The following ATRNL1 variants were observed in gnomAD, a reference collection of about 807,000 sequenced individuals.
ATRNL1 encodes the protein attractin like 1.
A neutral mutation model predicts 182.7 loss-of-function variants in ATRNL1; 95 were observed. The observed-to-expected ratio is 0.52, with a 90% CI of 0.44 to 0.62. The LOEUF is 0.62. Among genes scored for constraint, ATRNL1 ranks in the 20% least tolerant of loss-of-function variants. The pLI is 0.00. For missense variants in ATRNL1, 1,471 were observed against 1,679.5 expected (o/e 0.88, Z 2.17); for synonymous variants, 576 against 568.3 (o/e 1.01, Z -0.19).
At chr10:115,481,036 A>C (rs536590043) in intron 24 of ATRNL1, among the ~76,000 whole-genome samples, 1 of 150,890 alleles carries the variant, frequency 6.6e-6, no homozygotes, top group African/African-American at 2.4e-5. Context: ...AAAGTCATTA[A>C]TTATATTTTG....
intron 18 of ATRNL1, among the ~76,000 whole-genome samples, chr10:115,320,466 G>T (rs1296134855): frequency 6.6e-6 from 1 of 152,096 alleles, no homozygotes; most frequent in African/African-American, 2.4e-5. Context: ...AAGTTCTCCT[G>T]GATAATATTC....
At chr10:115,598,216 C>T (rs552190931) in intron 26 of ATRNL1, among the ~76,000 whole-genome samples, 2 of 150,884 alleles carry the variant, frequency 1.3e-5, no homozygotes, top group South Asian at 4.4e-4. Flanking sequence ...TAGCAGCTCT[C>T]AGACTGTTTG....
At chr10:115,872,593 G>C (rs903566765) in intron 28 of ATRNL1, among the ~76,000 whole-genome samples, 5 of 152,208 alleles carry the variant, frequency 3.3e-5, no homozygotes, top group African/African-American at 1.2e-4. Flanking sequence ...GGAATGACTA[G>C]GTAGAAGTCC....
chr10:115,868,822 C>CTTTTTTTTTTTTTTGT (rs1951501929), intron 28 of ATRNL1, among the ~76,000 whole-genome samples: 1 of 58,084 alleles, frequency 1.7e-5, no homozygotes, highest in African/African-American at 6.0e-5. Flanking sequence ...AGTCTTTATT[C>CTTTTTTTTTTTTTTGT]TTTTTTTTTT....
rs769749249 is a variant in ATRNL1, at chr10:115,254,279, G to A, written c.1688-10914G>A. 1.1e-4 allele frequency among the ~76,000 whole-genome samples: 16 copies of A among 152,030 alleles called. No homozygotes were observed. In the East Asian group the frequency reaches 2.5e-3, roughly 24 times the overall value. On this transcript the variant is annotated intron_variant, in intron 10 of 28. Transcript: ENST00000355044. ...AGTGTAAAAACATTCCTATTTCTCCGCATCCTCTCCAACATCTGTTGTTTC... is the reference window on the plus strand; with the variant it reads ...AGTGTAAAAACATTCCTATTTCTCCACATCCTCTCCAACATCTGTTGTTTC...
At chr10:115,581,781 A>G (rs1445015397) in intron 26 of ATRNL1, among the ~76,000 whole-genome samples, 1 of 151,758 alleles carries the variant, frequency 6.6e-6, no homozygotes, top group African/African-American at 2.4e-5. Context: ...TTTAGGGTAC[A>G]TGTGCACAAT....
At chr10:115,481,085 T>C (rs1848742668) in intron 24 of ATRNL1, among the ~76,000 whole-genome samples, 2 of 150,870 alleles carry the variant, frequency 1.3e-5, no homozygotes, top group African/African-American at 4.8e-5. Flanking sequence ...TAATGCGGTT[T>C]TGTTAAATAT....
chr10:115,710,927 G>A (rs143689696), intron 26 of ATRNL1, among the ~76,000 whole-genome samples: 29 of 152,164 alleles, frequency 1.9e-4, no homozygotes, highest in African/African-American at 5.1e-4. Flanking sequence ...GACTGATACA[G>A]CAAGGTTATG....
chr10:115,766,893 A>C (rs1388757788), intron 27 of ATRNL1, among the ~76,000 whole-genome samples: 12 of 152,202 alleles, frequency 7.9e-5, no homozygotes, highest in Admixed American at 7.9e-4. Flanking sequence ...TCTCCTAATT[A>C]CTAGTTGTGT....
At chr10:115,553,885 A>G (rs1403009105) in intron 26 of ATRNL1, among the ~76,000 whole-genome samples, 1 of 151,538 alleles carries the variant, frequency 6.6e-6, no homozygotes, top group African/African-American at 2.4e-5. Context: ...TCTAAGTAAT[A>G]TTAATGCAAT....
intron 25 of ATRNL1, among the ~76,000 whole-genome samples, chr10:115,535,605 A>G (rs933634924): frequency 1.3e-5 from 2 of 152,006 alleles, no homozygotes; most frequent in Admixed American, 6.6e-5. Flanking sequence ...TCTTCTCTCA[A>G]CTCATCAGAG....
At chr10:115,313,584 C>T (rs10885687) in intron 17 of ATRNL1, among the ~76,000 whole-genome samples, 99,744 of 151,974 alleles carry the variant, frequency 0.66, 33,169 homozygotes, top group East Asian at 0.82. Flanking sequence ...ATTCTTTCCC[C>T]AGTATTTTAT....
At chr10:115,508,951 T>C (rs543156859) in intron 24 of ATRNL1, among the ~76,000 whole-genome samples, 58 of 152,188 alleles carry the variant, frequency 3.8e-4, no homozygotes, top group Non-Finnish European at 5.1e-4. Flanking sequence ...GACATGTAAA[T>C]GCTTGACATC....
intron 1 of ATRNL1, among the ~76,000 whole-genome samples, chr10:115,112,068 C>A (rs1042714435): frequency 6.0e-5 from 9 of 149,934 alleles, no homozygotes; most frequent in African/African-American, 9.8e-5. Context: ...AAAAAAAACC[C>A]AAAAAAAAAC....
intron 26 of ATRNL1, among the ~76,000 whole-genome samples, chr10:115,690,358 T>A (rs533492955): frequency 2.5e-4 from 38 of 152,204 alleles, no homozygotes; most frequent in African/African-American, 9.1e-4. Flanking sequence ...TAGATTCTCA[T>A]AAGGAGCACA....
intron 24 of ATRNL1, among the ~76,000 whole-genome samples, chr10:115,494,313 G>A (rs1849444017): frequency 6.6e-6 from 1 of 152,090 alleles, no homozygotes; most frequent in African/African-American, 2.4e-5. Flanking sequence ...CATCCTGTTT[G>A]GATGCATTTC....
chr10:115,350,205 G>A (rs1554940811), intron 19 of ATRNL1, among the ~76,000 whole-genome samples: 1 of 151,636 alleles, frequency 6.6e-6, no homozygotes, highest in African/African-American at 2.4e-5. Context: ...GTGTGGTGGT[G>A]TGCGCCTGCA....
intron 26 of ATRNL1, among the ~76,000 whole-genome samples, chr10:115,555,037 GT>G (rs1272714074): frequency 6.6e-5 from 10 of 151,650 alleles, no homozygotes; most frequent in Non-Finnish European, 4.4e-5. Flanking sequence ...GTGTATATGT[GT>G]TTTTATGCTA....
intron 26 of ATRNL1, among the ~76,000 whole-genome samples, chr10:115,565,822 T>C (rs1571314): frequency 0.29 from 43,764 of 152,032 alleles, 7,559 homozygotes; most frequent in East Asian, 0.68. Context: ...TTTCTACTAG[T>C]ATAAAAGTAT....
Sources: gnomAD v4.1 joint callset for allele counts (sites outside exome capture counted in the v4.1 genomes callset) on GRCh38, gnomAD v4.1.1 for gene constraint, MANE v1.5 for transcripts, NCBI Gene and HGNC (gene_info 2026-07-23, HGNC 2026-07-21) for gene names.